SDHAF2: variants seen among roughly 807,000 people sequenced by gnomAD.
SDHAF2 encodes succinate dehydrogenase assembly factor 2, mitochondrial.
Under a neutral mutation model 18.5 loss-of-function variants are expected in SDHAF2, and 21 were observed. The ratio of observed to expected loss-of-function variants is 1.13; its 90% CI spans 0.80 to 1.63. The LOEUF (loss-of-function observed/expected upper bound fraction) is 1.63. SDHAF2 is among the 40% of genes most tolerant of loss of function. The probability of loss-of-function intolerance (pLI) is 0.00; values close to 1 mark genes in which losing one functional copy is unlikely to be tolerated. For synonymous variants in SDHAF2, 84 were observed against 70.7 expected, an observed-to-expected ratio of 1.19 and a Z score of -0.94; for missense variants, 195 against 200.3, an observed-to-expected ratio of 0.97 and a Z score of 0.16.
intron 3 of SDHAF2, among the ~76,000 whole-genome samples, chr11:61,441,703 T>C (rs1862067484): frequency 6.6e-6 from 1 of 152,102 alleles, no homozygotes; most frequent in South Asian, 2.1e-4. Flanking sequence ...ACCCACACTT[T>C]GTATTATCAG....
rs1862145046 is a variant in SDHAF2 at position 61,446,729 on chromosome 11, G to C, written c.*658G>C. On this transcript the variant is annotated 3_prime_UTR_variant, in exon 4 of 4. Coordinates refer to ENST00000301761, the MANE Select transcript of SDHAF2 (RefSeq NM_017841.4). The stretch of plus-strand genomic sequence containing the variant: ...GAATTATTAAAGCATACTGAAAAAA[G>C]GAAATTTACAATTTCCCAGCCCTCA... The C allele has an allele frequency of 2.5e-6, 1 of 398,760 alleles. No homozygotes were observed. Among genetic ancestry groups the C allele is most frequent in the African/African-American group, 2.1e-5 (1 of 48,552 alleles). 24.7% of individuals were successfully genotyped at this position (398,760 alleles called of 1,614,324 possible). A position where few individuals can be genotyped will look rare whatever the true frequency, so the allele number is the denominator to read the frequency against.
rs1426061764 is a variant in SDHAF2 at position 61,438,067 on chromosome 11, G to T, written c.324G>T (p.Leu108=). The T allele has an allele frequency of 1.2e-6, 2 of 1,613,994 alleles. No homozygotes were observed. The highest frequency in any genetic ancestry group is 8.5e-7 in the Non-Finnish European group (1 of 1,180,038). ...AGCAGCTGAACCTCTATGACCGCCT[G>T]ATTAACGAGCCTAGTAATGACTGGG... ...TEKQLNLYDR[L]INEPSNDWDI... Residue 108 remains leucine (L), a synonymous_variant, in exon 3 of 4, where the codon CTG becomes CTT. Transcript: ENST00000301761.
chr11:61,446,094 G>A lies in SDHAF2; in HGVS notation c.*23G>A, dbSNP rs775673914. On this transcript the variant is annotated 3_prime_UTR_variant, in exon 4 of 4. Coordinates refer to ENST00000301761, the MANE Select transcript of SDHAF2 (RefSeq NM_017841.4). ...TGAGCTGTGCTCCACGGCCTGGCAT[G>A]GGGGTTCAGTCTGTGGATGGTAACT... 5.0e-6 allele frequency: 8 copies of A among 1,613,848 alleles called. No individual in the cohort carries two copies. The Admixed American group carries it at 1.2e-4, about 24-fold the overall frequency.
In SDHAF2 at chr11:61,438,077, C is replaced by T; in HGVS notation, c.334C>T (p.Pro112Ser). 6.2e-7 allele frequency: 1 copy of T among 1,613,986 alleles called. No individual in the cohort carries two copies. Among genetic ancestry groups the T allele is most frequent in the Non-Finnish European group, 8.5e-7 (1 of 1,179,936 alleles). ...LNLYDRLINEPSNDWDIYYWA... is the reference protein window; with the variant it reads ...LNLYDRLINESSNDWDIYYWA... ...CCTCTATGACCGCCTGATTAACGAG[C>T]CTAGTAATGACTGGGATATTTACTA... is the stretch of plus-strand genomic sequence containing the variant. The change falls in exon 3 of 4, where the codon CCT (proline) becomes TCT (serine). Residue 112 changes from proline to serine, a missense_variant. Transcript: ENST00000301761.
intron 3 of SDHAF2, among the ~76,000 whole-genome samples, chr11:61,442,856 C>T (rs1294285452): frequency 2.6e-5 from 4 of 152,156 alleles, no homozygotes; most frequent in South Asian, 2.1e-4. Context: ...TGGGTCCAAG[C>T]GATTCTTGTG....
At position 61,437,772 on chromosome 11, in the gene SDHAF2, T is replaced by G. The variant is rs1590764849; in HGVS notation, c.184T>G (p.Ser62Ala). 6.2e-7 allele frequency: 1 copy of G among 1,613,990 alleles called. No homozygotes were observed. The highest frequency in any genetic ancestry group is 1.7e-5 in the Admixed American group (1 of 60,004). The change falls in exon 2 of 4, where the codon TCC becomes GCC. Residue 62 changes from serine to alanine, a missense_variant. Ser to Ala is a moderately conservative substitution (Grantham distance 99). Transcript: ENST00000301761. ...TCCATGGCAGGAGAGAACTGATGAA[T>G]CCATAGAAACCAAAAGAGCCCGCCT... ...LPPWQERTDE[S>A]IETKRARLLY... is the part of the protein sequence containing the mutation.
chr11:61,446,021 C>CAG lies in SDHAF2; in HGVS notation c.455_456dup (p.Leu153AspfsTer31). 1 of 1,614,140 alleles carries CAG rather than the reference C, an allele frequency of 6.2e-7. No homozygotes were observed. The highest frequency in any genetic ancestry group is 8.5e-7 in the Non-Finnish European group (1 of 1,180,006). ...CTTTGCTAAAAACAAAAACAAAGAG[C>CAG]AGAGACTGCGTGCCCCAGATCTTGA... On this transcript the variant is annotated frameshift_variant, in exon 4 of 4. Transcript: ENST00000301761. LOFTEE classifies it high-confidence loss of function.
intron 1 of SDHAF2, chr11:61,430,517 C>T (rs1411438338): frequency 2.2e-6 from 1 of 455,838 alleles, no homozygotes; most frequent in Non-Finnish European, 3.9e-6. Flanking sequence ...TTCGTGGTTT[C>T]ACATAGTATC....
chr11:61,431,503 G>C (rs1442645159), intron 1 of SDHAF2: 1 of 152,064 alleles, frequency 6.6e-6, no homozygotes, highest in African/African-American at 2.4e-5. Context: ...TTTTCCTTTT[G>C]ATGTCTTCTT....
At chr11:61,436,827 ACTC>A in intron 1 of SDHAF2, 6 of 1,229,734 alleles carry the variant, frequency 4.9e-6, no homozygotes, top group Non-Finnish European at 6.4e-6. Flanking sequence ...GGGGTTTCCT[ACTC>A]CACCATCTTC....
chr11:61,431,925 C>G (rs1861935200), intron 1 of SDHAF2: 1 of 152,020 alleles, frequency 6.6e-6, no homozygotes, highest in African/African-American at 2.4e-5. Context: ...CTCCTGACCT[C>G]GTGATCTGCC....
intron 3 of SDHAF2, among the ~76,000 whole-genome samples, chr11:61,445,116 T>C (rs573199841): frequency 1.3e-5 from 2 of 152,230 alleles, no homozygotes; most frequent in South Asian, 4.1e-4. Flanking sequence ...TCTGACTTGG[T>C]TTTGAGGAAT....
intron 3 of SDHAF2, among the ~76,000 whole-genome samples, chr11:61,440,847 A>G (rs1161164778): frequency 6.6e-6 from 1 of 152,254 alleles, no homozygotes; most frequent in South Asian, 2.1e-4. Context: ...TGAAAATAGA[A>G]TTTCATACTG....
intron 2 of SDHAF2, 22 bp downstream of exon 2, chr11:61,437,870 T>C (rs987209720): frequency 5.8e-5 from 93 of 1,607,726 alleles, no homozygotes; most frequent in Non-Finnish European, 7.8e-5. Context: ...GGAGTCTTTT[T>C]TTTTAAATCG....
rs1226575231 is a variant in SDHAF2, at chr11:61,437,539, G to A, written c.37-86G>A. On this transcript the variant is annotated intron_variant, in intron 1 of 3. Transcript: ENST00000301761. ...TCCTCATGACTAAATGTGATTGAAT[G>A]CATTCAGCACCTAGTAAGCATTGAG... 6 of 1,129,250 alleles carry A rather than the reference G, an allele frequency of 5.3e-6. No homozygotes were observed. In the African/African-American group the frequency reaches 7.6e-5, roughly 14 times the overall value. The allele number at this position is 1,129,250 out of a possible 1,614,324, so 70.0% of individuals were successfully genotyped here. A position where few individuals can be genotyped will look rare whatever the true frequency, so the allele number is the denominator to read the frequency against.
chr11:61,432,654 T>C (rs1861946837), intron 1 of SDHAF2: 1 of 151,760 alleles, frequency 6.6e-6, no homozygotes, highest in African/African-American at 2.4e-5. Flanking sequence ...ACCTTTTTGC[T>C]CCTCTTTTCC....
chr11:61,430,209 C>T, intron 1 of SDHAF2, 27 bp downstream of exon 1: 2 of 1,613,982 alleles, frequency 1.2e-6, no homozygotes, highest in Non-Finnish European at 1.7e-6. Flanking sequence ...TTCTAGCGTC[C>T]GGGGCGGGCG....
chr11:61,442,887 G>C (rs994569041), intron 3 of SDHAF2, among the ~76,000 whole-genome samples: 1 of 152,162 alleles, frequency 6.6e-6, no homozygotes, highest in African/African-American at 2.4e-5. Context: ...CTGAGCAACT[G>C]GGACCACAGG....
chr11:61,445,985 C>G lies in SDHAF2; in HGVS notation c.415C>G (p.Leu139Val). 6.2e-7 allele frequency: 1 copy of G among 1,614,150 alleles called. No individual in the cohort carries two copies. The highest frequency in any genetic ancestry group is 8.5e-7 in the Non-Finnish European group (1 of 1,180,028). The change falls in exon 4 of 4, where the codon CTG becomes GTG. Residue 139 changes from leucine (L) to valine (V), a missense_variant. Physicochemically the swap from Leu to Val is conservative, Grantham distance 32 (BLOSUM62 1). Transcript: ENST00000301761. ...PEIFENEVMA[L>V]LRDFAKNKNK... ...AATATTTGAAAATGAAGTCATGGCC[C>G]TGCTGAGAGACTTTGCTAAAAACAA...
Sources: gnomAD v4.1 joint callset for allele counts (sites outside exome capture counted in the v4.1 genomes callset) on GRCh38, gnomAD v4.1.1 for gene constraint, MANE v1.5 for transcripts, NCBI Gene and HGNC (gene_info 2026-07-23, HGNC 2026-07-21) for gene names.